The following CHRNA5 variants were observed in gnomAD, a reference collection of about 807,000 sequenced individuals.
CHRNA5 encodes neuronal acetylcholine receptor subunit alpha-5.
CHRNA5 carries 28 observed loss-of-function variants against 41.2 expected under a neutral mutation model. The ratio of observed to expected loss-of-function variants is 0.68; its 90% confidence interval spans 0.50 to 0.93. CHRNA5 has a LOEUF of 0.93. CHRNA5 is among the 40% of genes least tolerant of loss of function. CHRNA5 has a pLI of 0.00. For synonymous variants in CHRNA5, 188 were observed against 205.8 expected (o/e 0.91, Z 0.74); for missense variants, 481 against 581.9 (o/e 0.83, Z 1.78).
rs35117191 is a variant in CHRNA5 at position 78,588,884 on chromosome 15, A to AT, written c.413+474dup. On this transcript the variant is annotated intron_variant, in intron 4 of 5. Transcript: ENST00000299565. This position sits in a 1 kb window ranked among gnomAD's most constrained non-coding sequence, Gnocchi z 4.1. The stretch of plus-strand genomic sequence containing the variant: ...CATCCTACCTAGGTGTGTTTTGAGG[A>AT]TTTTTTTTTTTTTAACTTAGGGGAG... 0.6 allele frequency among the ~76,000 whole-genome samples: 88,500 copies of AT among 147,332 alleles called. 26,468 individuals carry two copies. Among genetic ancestry groups the AT allele is most frequent in the Middle Eastern group, 0.76 (215 of 284 alleles).
chr15:78,575,707 A>G (rs2052850301), intron 1 of CHRNA5, among the ~76,000 whole-genome samples: 1 of 152,244 alleles, frequency 6.6e-6, no homozygotes, highest in South Asian at 2.1e-4. Flanking sequence ...TGGCACTTAT[A>G]TCTACACTGT....
exon 1 of CHRNA5, chr15:78,565,650 C>T (rs1261096002): frequency 1.3e-5 from 6 of 459,510 alleles, no homozygotes; most frequent in Non-Finnish European, 1.9e-5. Context: ...TGCTCCATTC[C>T]CCAAGAGTTC....
At chr15:78,592,475 G>A (rs2053026411) in intron 5 of CHRNA5, among the ~76,000 whole-genome samples, 1 of 152,190 alleles carries the variant, frequency 6.6e-6, no homozygotes, top group Admixed American at 6.5e-5. Context: ...CTTGTAGAAA[G>A]GGGAGCCCCT....
chr15:78,587,288 AAC>A (rs748267070), intron 3 of CHRNA5, among the ~76,000 whole-genome samples: 3 of 152,196 alleles, frequency 2.0e-5, no homozygotes, highest in Non-Finnish European at 4.4e-5. Context: ...CTTGGGGAAA[AAC>A]ACACTGGAAA....
Position 78,589,891 on chromosome 15 carries a change from A to G in CHRNA5, c.500A>G (p.Lys167Arg), listed in dbSNP as rs80087508. 9.0e-4 allele frequency: 1,446 copies of G among 1,614,168 alleles called. 9 individuals are homozygous for G. In the African/African-American group the frequency reaches 0.017, roughly 19 times the overall value. Reference sequence around the variant, plus strand: ...ACCTGGACTCCACCGGCAAACTACAAAAGTTCCTGTACCATAGATGTCACG... The same window carrying G: ...ACCTGGACTCCACCGGCAAACTACAGAAGTTCCTGTACCATAGATGTCACG... Residue 167 changes from lysine to arginine, a missense_variant, in exon 5 of 6, where the codon AAA becomes AGA. Physicochemically the swap from Lys to Arg is conservative, Grantham distance 26. Coordinates refer to ENST00000299565, the Ensembl canonical transcript of CHRNA5.
chr15:78,569,267 A>AT (rs2052777548), intron 1 of CHRNA5, among the ~76,000 whole-genome samples: 1 of 152,018 alleles, frequency 6.6e-6, no homozygotes, highest in Admixed American at 6.6e-5. Flanking sequence ...CTAGCAAGTA[A>AT]TTTTTTATAA....
At chr15:78,592,006 T>C (rs1483648293) in intron 5 of CHRNA5, among the ~76,000 whole-genome samples, 2 of 152,110 alleles carry the variant, frequency 1.3e-5, no homozygotes, top group Admixed American at 1.3e-4. Context: ...ACCAAGGAGG[T>C]TGGTTTTATT....
chr15:78,585,579 T>C (rs2052951628), intron 2 of CHRNA5, among the ~76,000 whole-genome samples: 1 of 152,142 alleles, frequency 6.6e-6, no homozygotes, highest in South Asian at 2.1e-4. Flanking sequence ...CTCCATGATA[T>C]TTCACTAAAA....
intron 2 of CHRNA5, 54 bp from the exon 3 acceptor site, chr15:78,586,591 A>C: frequency 3.8e-6 from 4 of 1,040,884 alleles, no homozygotes; most frequent in Non-Finnish European, 5.8e-6. Flanking sequence ...TTATTTAAAG[A>C]ATTATTGTTT....
At chr15:78,569,960 C>T (rs1156310886) in intron 1 of CHRNA5, among the ~76,000 whole-genome samples, 1 of 151,770 alleles carries the variant, frequency 6.6e-6, no homozygotes, top group Admixed American at 6.6e-5. Context: ...GCTGGGATTA[C>T]AGGCATGTGC....
At chr15:78,583,635 C>T (rs542941265) in intron 2 of CHRNA5, among the ~76,000 whole-genome samples, 233 of 151,154 alleles carry the variant, frequency 1.5e-3, no homozygotes, top group Non-Finnish European at 2.8e-3. Flanking sequence ...GCGGAGCTTG[C>T]AGTGAGCCGA....
At chr15:78,577,237 T>A (rs601079) in intron 1 of CHRNA5, among the ~76,000 whole-genome samples, 91,942 of 152,030 alleles carry the variant, frequency 0.6, 28,116 homozygotes, top group Middle Eastern at 0.76. Flanking sequence ...CAACCCTTCT[T>A]TTCATACGTA....
exon 6 of CHRNA5, chr15:78,595,074 T>C (rs2053078751): frequency 6.5e-6 from 1 of 153,748 alleles, no homozygotes; most frequent in African/African-American, 2.4e-5. Flanking sequence ...CCAATGCTCT[T>C]TGGAAGGCGG....
At chr15:78,583,029 A>ATT (rs199906605) in intron 2 of CHRNA5, among the ~76,000 whole-genome samples, 1 of 146,764 alleles carries the variant, frequency 6.8e-6, no homozygotes, top group East Asian at 2.0e-4. Context: ...TGTGTTCAAA[A>ATT]TTTTTTTTTT....
intron 1 of CHRNA5, among the ~76,000 whole-genome samples, chr15:78,571,864 T>C (rs904551215): frequency 6.6e-6 from 1 of 152,186 alleles, no homozygotes; most frequent in African/African-American, 2.4e-5. Context: ...GCATTCTTGT[T>C]TGTCACATTG....
At chr15:78,575,726 C>A (rs1326808592) in intron 1 of CHRNA5, among the ~76,000 whole-genome samples, 3 of 152,170 alleles carry the variant, frequency 2.0e-5, no homozygotes, top group Admixed American at 2.0e-4. Flanking sequence ...GTTAGCTAAT[C>A]CTTACAATGA....
At chr15:78,580,674 T>C in intron 1 of CHRNA5, 137 bp from the exon 2 acceptor site, 1 of 517,834 alleles carries the variant, frequency 1.9e-6, no homozygotes, top group Non-Finnish European at 3.4e-6. Flanking sequence ...TCTCTCTCCA[T>C]GGCCCAGGTT....
intron 1 of CHRNA5, among the ~76,000 whole-genome samples, chr15:78,575,418 C>T (rs2052848049): frequency 6.6e-6 from 1 of 152,056 alleles, no homozygotes; most frequent in African/African-American, 2.4e-5. Context: ...GTGTGCTTCA[C>T]TGCTTGGTTT....
At chr15:78,566,061 G>A (rs1425558036) in intron 1 of CHRNA5, among the ~76,000 whole-genome samples, 1 of 152,136 alleles carries the variant, frequency 6.6e-6, no homozygotes, top group Non-Finnish European at 1.5e-5. Flanking sequence ...TGCATCGCTG[G>A]AGACTACGAG....
Sources: gnomAD v4.1 joint callset for allele counts (sites outside exome capture counted in the v4.1 genomes callset) on GRCh38, gnomAD v4.1.1 for gene constraint, Gnocchi (gnomAD v3.1) non-coding constraint, MANE v1.5 for transcripts, NCBI Gene and HGNC (gene_info 2026-07-23, HGNC 2026-07-21) for gene names.